The following OTOGL variants were observed in gnomAD, a reference collection of about 807,000 sequenced individuals.
OTOGL encodes the protein otogelin-like protein.
Under a neutral mutation model 318.5 loss-of-function variants are expected in OTOGL, and 285 were observed. The observed-to-expected ratio is 0.89, with a 90% CI of 0.81 to 0.99. The LOEUF is 0.99. Among genes scored for constraint, OTOGL ranks in the 50% least tolerant of loss-of-function variants. The pLI is 0.00. For missense variants in OTOGL, 2,899 were observed against 2,845.6 expected, an observed-to-expected ratio of 1.02 and a Z score of -0.43; for synonymous variants, 987 against 936.5, an observed-to-expected ratio of 1.05 and a Z score of -0.99.
chr12:80,223,412 G>A (rs1178681069), intron 7 of OTOGL, among the ~76,000 whole-genome samples: 1 of 151,790 alleles, frequency 6.6e-6, no homozygotes, highest in Non-Finnish European at 1.5e-5. Flanking sequence ...ATCTTTTTTT[G>A]TATAATGACT....
intron 52 of OTOGL, 32 bp from the exon 53 acceptor site, chr12:80,366,542 A>G: frequency 2.5e-6 from 1 of 399,388 alleles, no homozygotes; most frequent in Non-Finnish European, 3.6e-6. Flanking sequence ...AAATAAGCTA[A>G]ATGATAAGTA....
At chr12:80,099,767 T>C (rs1219287383) in intron 1 of OTOGL, among the ~76,000 whole-genome samples, 162 bp downstream of exon 1, 1 of 152,166 alleles carries the variant, frequency 6.6e-6, no homozygotes, top group Non-Finnish European at 1.5e-5. Flanking sequence ...CATTTAAAAA[T>C]TATAATTAAA....
chr12:80,347,906 G>A (rs546396102), intron 44 of OTOGL, among the ~76,000 whole-genome samples: 8 of 152,018 alleles, frequency 5.3e-5, no homozygotes, highest in Admixed American at 1.3e-4. Context: ...TTTGTTGGCC[G>A]CATAAATGTC....
chr12:80,147,571 C>T (rs1179484930), intron 1 of OTOGL, among the ~76,000 whole-genome samples: 1 of 151,852 alleles, frequency 6.6e-6, no homozygotes, highest in Non-Finnish European at 1.5e-5. Flanking sequence ...TCTATTAGGT[C>T]TGCTTGGTGC....
At chr12:80,145,665 C>T (rs1358923041) in intron 1 of OTOGL, among the ~76,000 whole-genome samples, 5 of 151,772 alleles carry the variant, frequency 3.3e-5, no homozygotes, top group Admixed American at 6.6e-5. Flanking sequence ...GCCATTTTCA[C>T]GATATTGATT....
rs985420893 is a variant in OTOGL at position 80,252,063 on chromosome 12, TTGTC to T, written c.1160-9_1160-6del. On this transcript the variant is annotated splice_polypyrimidine_tract_variant and intron_variant, in intron 12 of 58. Transcript: ENST00000547103. ...ATAAAATTGACTTAAGCTCCCCTGT[TTGTC>T]TGTTTTAGCTGATAAATGTGATGAT... The T allele has an allele frequency of 4.6e-6, 7 of 1,518,320 alleles. No individual in the cohort carries two copies. In the African/African-American group the frequency reaches 9.7e-5, roughly 21 times the overall value. The allele number at this position is 1,518,320 out of a possible 1,614,324, so 94.1% of individuals were successfully genotyped here. A position where few individuals can be genotyped will look rare whatever the true frequency, so the allele number is the denominator to read the frequency against.
intron 19 of OTOGL, among the ~76,000 whole-genome samples, chr12:80,263,411 C>A (rs906924992): frequency 2.0e-5 from 3 of 152,066 alleles, no homozygotes; most frequent in African/African-American, 7.2e-5. Context: ...GTGGTCATTT[C>A]TTTAGTTACC....
chr12:80,326,796 TTTCA>T (rs1350667349), intron 35 of OTOGL, among the ~76,000 whole-genome samples: 3 of 152,200 alleles, frequency 2.0e-5, no homozygotes, highest in Non-Finnish European at 4.4e-5. Context: ...GCTAAATGTG[TTTCA>T]TTAAACCTCA....
intron 11 of OTOGL, among the ~76,000 whole-genome samples, chr12:80,249,898 G>T (rs567536098): frequency 2.0e-5 from 3 of 152,158 alleles, no homozygotes; most frequent in Non-Finnish European, 2.9e-5. Context: ...TCTGAAATGC[G>T]CAATATTCGG....
chr12:80,210,923 A>G (rs1156587345), intron 3 of OTOGL, 37 bp downstream of exon 3: 3 of 1,395,038 alleles, frequency 2.2e-6, no homozygotes, highest in Non-Finnish European at 2.9e-6. Context: ...TCTAAAACAT[A>G]AAGTTAATGG....
At chr12:80,229,117 A>T in intron 7 of OTOGL, 140 bp from the exon 8 acceptor site, 1 of 1,008,900 alleles carries the variant, frequency 9.9e-7, no homozygotes, top group Non-Finnish European at 1.4e-6. Context: ...CTTTTCTCTC[A>T]GAAATCCCAA....
At chr12:80,327,680 C>T (rs1887765687) in intron 35 of OTOGL, among the ~76,000 whole-genome samples, 1 of 151,284 alleles carries the variant, frequency 6.6e-6, no homozygotes. Flanking sequence ...GGAAAGCGGG[C>T]CGGGCACGGT....
At chr12:80,220,295 G>A (rs986592079) in intron 6 of OTOGL, among the ~76,000 whole-genome samples, 1 of 152,052 alleles carries the variant, frequency 6.6e-6, no homozygotes, top group African/African-American at 2.4e-5. Flanking sequence ...TAGTAGCTGG[G>A]ACTACAGGTA....
rs1242454218 is a variant in OTOGL at position 80,342,106 on chromosome 12, T to G, written c.5209T>G (p.Cys1737Gly). ...RPVRNCTEHD[C>G]SQCIDLLNRR... Reference sequence around the variant, plus strand: ...TGTTAGGAATTGTACTGAGCATGATTGCAGCCAGTGCATTGATTTATTAAA... The same window carrying G: ...TGTTAGGAATTGTACTGAGCATGATGGCAGCCAGTGCATTGATTTATTAAA... Residue 1737 changes from cysteine to glycine, a missense_variant, in exon 44 of 59, where the codon TGC becomes GGC. Physicochemically the swap from Cys to Gly is radical, Grantham distance 159. Transcript: ENST00000547103. 1.2e-6 allele frequency: 2 copies of G among 1,603,356 alleles called. No homozygotes were observed. Among genetic ancestry groups the G allele is most frequent in the East Asian group, 2.2e-5 (1 of 44,602 alleles).
Position 80,333,862 on chromosome 12 carries a change from CA to C in OTOGL, c.4422+787del, listed in dbSNP as rs1468944355. 2.0e-5 allele frequency among the ~76,000 whole-genome samples: 3 copies of C among 152,178 alleles called. No individual in the cohort carries two copies. In the South Asian group the frequency reaches 6.2e-4, roughly 32 times the overall value. On this transcript the variant is annotated intron_variant, in intron 38 of 58. Transcript: ENST00000547103. ...TTCCAGGCAGAGGGACCAGCAAGTG[CA>C]AAGGCCTTGAGGCAAGAATGTACCT... is the stretch of plus-strand genomic sequence containing the variant.
chr12:80,289,024 T>C (rs1309364746), intron 26 of OTOGL, among the ~76,000 whole-genome samples: 1 of 152,186 alleles, frequency 6.6e-6, no homozygotes, highest in African/African-American at 2.4e-5. Context: ...GTTTTTGCTC[T>C]TCTTCGTGGA....
chr12:80,257,860 A>G lies in OTOGL; in HGVS notation c.1747A>G (p.Ile583Val). 2 of 1,587,806 alleles carry G rather than the reference A, an allele frequency of 1.3e-6. No individual in the cohort carries two copies. The highest frequency in any genetic ancestry group is 1.1e-5 in the South Asian group (1 of 88,938). Residue 583 changes from isoleucine (I) to valine (V), a missense_variant, in exon 18 of 59, where the codon ATA (isoleucine) becomes GTA (valine). Coordinates refer to ENST00000547103, the MANE Select transcript of OTOGL (RefSeq NM_001378609.3). ...AATTCAAACTCTGTCATCCTTATTT[A>G]TACTTCTAAAAACCACATTTGGTTT... ...VEIQTLSSLF[I>V]LLKTTFGLKI...
intron 1 of OTOGL, among the ~76,000 whole-genome samples, chr12:80,192,009 G>A (rs1278569699): frequency 3.3e-5 from 5 of 152,138 alleles, no homozygotes; most frequent in African/African-American, 9.7e-5. Context: ...TAGAAGAATC[G>A]TATTTTCATC....
chr12:80,323,841 G>A lies in OTOGL; in HGVS notation c.4199+1G>A, dbSNP rs1887509362. 1.1e-5 allele frequency: 18 copies of A among 1,597,330 alleles called. No homozygotes were observed. The highest frequency in any genetic ancestry group is 1.4e-5 in the Non-Finnish European group (16 of 1,165,112). The stretch of plus-strand genomic sequence containing the variant: ...CACTAGCATGTAAATTTCTTCCACC[G>A]TAAGTAACGTTTACCAATAAGTGAT... On this transcript the variant is annotated splice_donor_variant, in intron 35 of 58. Coordinates refer to ENST00000547103, the MANE Select transcript of OTOGL (RefSeq NM_001378609.3). LOFTEE classifies it high-confidence loss of function.
Sources: allele counts gnomAD v4.1 joint callset (sites outside exome capture counted in the v4.1 genomes callset), GRCh38; gene constraint gnomAD v4.1.1; transcripts MANE v1.5; gene names NCBI Gene and HGNC (gene_info 2026-07-23, HGNC 2026-07-21).